The following BICD1 variants were observed in gnomAD, a reference collection of about 807,000 sequenced individuals.
BICD1 encodes the protein BICD cargo adaptor 1.
Under a neutral mutation model 92.5 loss-of-function variants are expected in BICD1, and 35 were observed. The ratio of observed to expected loss-of-function variants is 0.38; its 90% CI spans 0.29 to 0.50. BICD1 has a LOEUF of 0.50. BICD1 is among the 20% of genes least tolerant of loss of function. The probability of loss-of-function intolerance (pLI) is 0.93; values close to 1 mark genes in which losing one functional copy is unlikely to be tolerated. For missense variants in BICD1, 950 were observed against 1,189.8 expected (o/e 0.80, Z 2.97); for synonymous variants, 429 against 465.1 (o/e 0.92, Z 1.00).
intron 1 of BICD1, among the ~76,000 whole-genome samples, chr12:32,191,705 ATAT>A (rs926225838): frequency 2.7e-5 from 4 of 148,084 alleles, no homozygotes; most frequent in South Asian, 2.1e-4. Context: ...ATATATTATG[ATAT>A]TATTATATCA....
rs552613202 is a variant in BICD1 at position 32,182,229 on chromosome 12, C to T, written c.214-34018C>T. 2.7e-5 allele frequency among the ~76,000 whole-genome samples: 4 copies of T among 150,244 alleles called. No homozygotes were observed. In the South Asian group the frequency reaches 8.4e-4, roughly 32 times the overall value. On this transcript the variant is annotated intron_variant, in intron 1 of 9. Coordinates refer to ENST00000652176, the MANE Select transcript of BICD1 (RefSeq NM_001714.4). The stretch of plus-strand genomic sequence containing the variant: ...AAACCTGATTTCCTATGACACAGAC[C>T]ATTGCATTCTGTATTGTATTGTTTT...
At chr12:32,146,344 A>G (rs755706260) in intron 1 of BICD1, among the ~76,000 whole-genome samples, 2 of 152,186 alleles carry the variant, frequency 1.3e-5, no homozygotes, top group Non-Finnish European at 2.9e-5. Flanking sequence ...GATAGAGATC[A>G]TGGGAGAAGA....
chr12:32,108,586 GTTAA>G (rs1013925264), intron 1 of BICD1: 3 of 663,518 alleles, frequency 4.5e-6, no homozygotes, highest in South Asian at 3.3e-5. Context: ...ACATTTAAAT[GTTAA>G]TTATTGTTTG....
intron 4 of BICD1, among the ~76,000 whole-genome samples, chr12:32,309,379 A>T (rs1948317366): frequency 6.6e-6 from 1 of 152,194 alleles, no homozygotes; most frequent in Admixed American, 6.5e-5. Context: ...GGTGTGTTTT[A>T]AAAATTCAGG....
chr12:32,205,675 A>G (rs1287484971), intron 1 of BICD1, among the ~76,000 whole-genome samples: 1 of 100,468 alleles, frequency 1.0e-5, no homozygotes, highest in African/African-American at 3.5e-5. Context: ...TTGTTGATGT[A>G]TAAGTGATCA....
rs778506010 is a variant in BICD1 at position 32,327,729 on chromosome 12, C to T, written c.1274C>T (p.Thr425Ile). 11 of 1,614,074 alleles carry T rather than the reference C, an allele frequency of 6.8e-6. No individual in the cohort carries two copies. Among genetic ancestry groups the T allele is most frequent in the Middle Eastern group, 1.6e-4 (1 of 6,062 alleles). The change falls in exon 5 of 10, where the codon ACT becomes ATT. Residue 425 changes from threonine to isoleucine, a missense_variant. Physicochemically the swap from Thr to Ile is moderately conservative, Grantham distance 89. Transcript: ENST00000652176. Reference protein sequence around the residue: ...ILECKYRVAVTEVIDLKAEIK... With the variant: ...ILECKYRVAVIEVIDLKAEIK... ...GAATGCAAATACAGGGTGGCAGTAA[C>T]TGAGGTGATTGATCTGAAAGCTGAA...
chr12:32,335,275 C>G lies in BICD1; in HGVS notation c.2252+608C>G, dbSNP rs556401815. Reference sequence around the variant, plus strand: ...TAGCGATTCTCCTGCCTCACCCTCCCGAGTAGCTGGGAATACAGGCACCTG... The same window carrying G: ...TAGCGATTCTCCTGCCTCACCCTCCGGAGTAGCTGGGAATACAGGCACCTG... On this transcript the variant is annotated intron_variant, in intron 6 of 9. Coordinates refer to ENST00000652176, the MANE Select transcript of BICD1 (RefSeq NM_001714.4). Among the ~76,000 whole-genome samples the G allele has an allele frequency of 2.6e-5, 4 of 151,982 alleles. No homozygotes were observed. In the South Asian group the frequency reaches 8.3e-4, roughly 32 times the overall value.
intron 1 of BICD1, 66 bp downstream of exon 1, chr12:32,107,610 A>C (rs1423255470): frequency 2.9e-5 from 43 of 1,480,646 alleles, no homozygotes; most frequent in Non-Finnish European, 3.7e-5. Context: ...CCCACTCATC[A>C]TGATCAAGAA....
chr12:32,219,191 T>C (rs1000339270), intron 2 of BICD1, among the ~76,000 whole-genome samples: 5 of 152,164 alleles, frequency 3.3e-5, no homozygotes, highest in Non-Finnish European at 7.4e-5. Flanking sequence ...AAGAACTTAA[T>C]TAATGGGATA....
At chr12:32,282,529 G>C (rs1379342626) in intron 2 of BICD1, among the ~76,000 whole-genome samples, 1 of 152,102 alleles carries the variant, frequency 6.6e-6, no homozygotes, top group Admixed American at 6.6e-5. Flanking sequence ...TTTCAAGGAG[G>C]TCAGGGCAAG....
At chr12:32,318,233 T>G (rs1331220865) in intron 4 of BICD1, among the ~76,000 whole-genome samples, 3 of 151,940 alleles carry the variant, frequency 2.0e-5, no homozygotes, top group Non-Finnish European at 2.9e-5. Context: ...AAGTAGTTTT[T>G]TCCAATTCTG....
chr12:32,277,289 G>A (rs550848393), intron 2 of BICD1, among the ~76,000 whole-genome samples: 41 of 152,166 alleles, frequency 2.7e-4, no homozygotes, highest in Non-Finnish European at 4.6e-4. Flanking sequence ...AGCTACTCGG[G>A]AGGCTGAGAC....
chr12:32,270,361 T>A (rs1177715214), intron 2 of BICD1, among the ~76,000 whole-genome samples: 1 of 152,146 alleles, frequency 6.6e-6, no homozygotes, highest in Non-Finnish European at 1.5e-5. Context: ...ATCAGTTTCA[T>A]TTTTTCTGGA....
At chr12:32,221,149 C>T (rs1252303145) in intron 2 of BICD1, among the ~76,000 whole-genome samples, 10 of 150,274 alleles carry the variant, frequency 6.7e-5, no homozygotes, top group Non-Finnish European at 8.9e-5. Context: ...TGCTAAATGA[C>T]GAGTTAATGG....
At chr12:32,123,647 C>T (rs556611551) in intron 1 of BICD1, among the ~76,000 whole-genome samples, 21 of 152,268 alleles carry the variant, frequency 1.4e-4, no homozygotes, top group African/African-American at 5.1e-4. Context: ...GAGGCTGAGG[C>T]GGGCGGATCA....
At chr12:32,140,466 T>TTTG (rs760549533) in intron 1 of BICD1, among the ~76,000 whole-genome samples, 23 of 152,046 alleles carry the variant, frequency 1.5e-4, no homozygotes, top group East Asian at 7.7e-4. Context: ...CAACATCTTG[T>TTTG]TTGTTGTTGT....
In BICD1 at chr12:32,122,242, C is replaced by T. The variant is rs902820495; in HGVS notation, c.213+14698C>T. Among the ~76,000 whole-genome samples, 6 of 151,564 alleles carry T rather than the reference C, an allele frequency of 4.0e-5. No individual in the cohort carries two copies. In the South Asian group the frequency reaches 6.5e-4, roughly 17 times the overall value. ...TGGGTGGATCACGAGGTCAGGAAAT[C>T]GAGACCATCCTAACACAGATCGAGA... is the stretch of plus-strand genomic sequence containing the variant. On this transcript the variant is annotated intron_variant, in intron 1 of 9. Coordinates refer to ENST00000652176, the MANE Select transcript of BICD1 (RefSeq NM_001714.4).
chr12:32,193,229 A>G (rs1243266793), intron 1 of BICD1, among the ~76,000 whole-genome samples: 3 of 152,224 alleles, frequency 2.0e-5, no homozygotes, highest in Non-Finnish European at 4.4e-5. Context: ...ACAACCACCA[A>G]CCTGATCAGT....
intron 2 of BICD1, among the ~76,000 whole-genome samples, chr12:32,247,160 G>C (rs553821767): frequency 6.6e-6 from 1 of 151,832 alleles, no homozygotes; most frequent in South Asian, 2.1e-4. Flanking sequence ...GGGAGGCTGA[G>C]GTGGGAGGAT....
Sources: gnomAD v4.1 joint callset for allele counts (sites outside exome capture counted in the v4.1 genomes callset) on GRCh38, gnomAD v4.1.1 for gene constraint, MANE v1.5 for transcripts, NCBI Gene and HGNC (gene_info 2026-07-23, HGNC 2026-07-21) for gene names.